PLEKHM3: variants seen among roughly 807,000 people sequenced by gnomAD.
PLEKHM3 encodes the protein pleckstrin homology domain containing M3, also known as pleckstrin homology domain-containing family M member 3.
Under a neutral mutation model 81.8 loss-of-function variants are expected in PLEKHM3, and 45 were observed. The ratio of observed to expected loss-of-function variants is 0.55; its 90% CI spans 0.43 to 0.71. PLEKHM3 has a LOEUF of 0.71. Ranked by LOEUF, PLEKHM3 falls within the 30% of genes least tolerant of loss-of-function variation. The pLI is 0.00. For missense variants in PLEKHM3, 788 were observed against 924.3 expected (o/e 0.85, Z 1.91); for synonymous variants, 352 against 356.4 (o/e 0.99, Z 0.14).
chr2:208,017,692 T>C (rs1194635019), intron 1 of PLEKHM3, among the ~76,000 whole-genome samples: 1 of 152,190 alleles, frequency 6.6e-6, no homozygotes, highest in Non-Finnish European at 1.5e-5. Flanking sequence ...CCATTTCTCA[T>C]TGCCCATTCA....
chr2:207,987,023 A>G (rs1691748073), intron 2 of PLEKHM3, among the ~76,000 whole-genome samples: 1 of 152,120 alleles, frequency 6.6e-6, no homozygotes, highest in South Asian at 2.1e-4. Flanking sequence ...GAAAAGAAGT[A>G]TCACTTCAGA....
At chr2:207,863,744 C>T (rs2092480853) in intron 6 of PLEKHM3, among the ~76,000 whole-genome samples, 1 of 152,012 alleles carries the variant, frequency 6.6e-6, no homozygotes, top group Admixed American at 6.6e-5. Flanking sequence ...GCATGAGGCT[C>T]TTAAAAAAAA....
intron 2 of PLEKHM3, among the ~76,000 whole-genome samples, chr2:207,997,528 C>A (rs1007836513): frequency 6.6e-6 from 1 of 152,138 alleles, no homozygotes; most frequent in African/African-American, 2.4e-5. Flanking sequence ...AGTAATAACA[C>A]CAGCAAGTAA....
At chr2:207,837,484 C>T (rs550028867) in intron 7 of PLEKHM3, among the ~76,000 whole-genome samples, 4 of 152,054 alleles carry the variant, frequency 2.6e-5, no homozygotes, top group South Asian at 2.1e-4. Context: ...CCTGTAGTCC[C>T]GGCTACTTGG....
intron 5 of PLEKHM3, among the ~76,000 whole-genome samples, chr2:207,916,646 G>A (rs971687662): frequency 1.5e-4 from 23 of 152,128 alleles, no homozygotes; most frequent in African/African-American, 5.6e-4. Context: ...TGCTAGGAAT[G>A]CTGAAACAGG....
intron 7 of PLEKHM3, among the ~76,000 whole-genome samples, chr2:207,830,335 C>T (rs1575259897): frequency 1.3e-5 from 2 of 152,042 alleles, no homozygotes; most frequent in South Asian, 2.1e-4. Context: ...TGAGGTAGGC[C>T]GGGCATGGTG....
intron 3 of PLEKHM3, among the ~76,000 whole-genome samples, chr2:207,953,072 T>G (rs905635060): frequency 2.6e-5 from 4 of 152,114 alleles, no homozygotes; most frequent in African/African-American, 9.7e-5. Flanking sequence ...ACAAAGCAAA[T>G]AGTATCCACA....
intron 1 of PLEKHM3, among the ~76,000 whole-genome samples, chr2:208,008,525 A>AC (rs1692581130): frequency 1.4e-5 from 2 of 140,164 alleles, no homozygotes; most frequent in African/African-American, 5.3e-5. Context: ...AAAAAAAAAA[A>AC]CAGACAAAAA....
In PLEKHM3 at chr2:207,860,945, G is replaced by A. The variant is rs567376981; in HGVS notation, c.2108+160C>T. On this transcript the variant is annotated intron_variant, in intron 7 of 7. Coordinates refer to ENST00000427836, the MANE Select transcript of PLEKHM3 (RefSeq NM_001080475.3). ...GAGGTAAGGGGTGGAAATAAATACA[G>A]GAAACCAAAGGGGGAAACATGTTCT... is the stretch of plus-strand genomic sequence containing the variant. Among the ~76,000 whole-genome samples, 17 of 152,236 alleles carry A rather than the reference G, an allele frequency of 1.1e-4. No homozygotes were observed. The South Asian group carries it at 3.5e-3, about 32-fold the overall frequency.
Position 207,864,490 on chromosome 2 carries a change from G to A in PLEKHM3, c.1951-3228C>T, listed in dbSNP as rs193009150. ...AACCAAACTTAATGAGGCATTTAAA[G>A]AGAGGCACTAACAAACTATAGTCCA... On this transcript the variant is annotated intron_variant, in intron 6 of 7. Transcript: ENST00000427836. Among the ~76,000 whole-genome samples the A allele has an allele frequency of 1.9e-3, 292 of 152,300 alleles. 2 individuals are homozygous for A. Among genetic ancestry groups the A allele is most frequent in the African/African-American group, 6.7e-3 (277 of 41,558 alleles).
chr2:207,915,656 C>A (rs1012302929), intron 5 of PLEKHM3, among the ~76,000 whole-genome samples: 1 of 152,186 alleles, frequency 6.6e-6, no homozygotes, highest in Non-Finnish European at 1.5e-5. Context: ...AAAAGACCCA[C>A]AACATACACA....
At chr2:207,939,418 T>C (rs1435236577) in intron 4 of PLEKHM3, among the ~76,000 whole-genome samples, 1 of 151,992 alleles carries the variant, frequency 6.6e-6, no homozygotes, top group Non-Finnish European at 1.5e-5. Flanking sequence ...GACAGGGAAA[T>C]AGACGGATGG....
At chr2:207,963,731 C>T (rs754135039) in intron 3 of PLEKHM3, among the ~76,000 whole-genome samples, 1 of 152,052 alleles carries the variant, frequency 6.6e-6, no homozygotes, top group Non-Finnish European at 1.5e-5. Flanking sequence ...TTTATACTAG[C>T]CACCAGGTAG....
At position 207,865,795 on chromosome 2, in the gene PLEKHM3, AAAAAAAAGAT is replaced by A. The variant is rs1189732553; in HGVS notation, c.1951-4543_1951-4534del. On this transcript the variant is annotated intron_variant, in intron 6 of 7. Coordinates refer to ENST00000427836, the MANE Select transcript of PLEKHM3 (RefSeq NM_001080475.3). ...AAACTCCGACTCAAAAAAAAAAAAA[AAAAAAAAGAT>A]ATATATATATATATATATATATATA... Among the ~76,000 whole-genome samples the A allele has an allele frequency of 1.3e-3, 49 of 37,668 alleles. 9 individuals carry two copies. Among genetic ancestry groups the A allele is most frequent in the African/African-American group, 6.5e-3 (44 of 6,744 alleles). The allele number at this position is 37,668 out of a possible 152,430, so 24.7% of individuals were successfully genotyped here. A position where few individuals can be genotyped will look rare whatever the true frequency, so the allele number is the denominator to read the frequency against.
intron 2 of PLEKHM3, among the ~76,000 whole-genome samples, chr2:207,983,993 CA>C (rs1691631085): frequency 6.6e-6 from 1 of 152,340 alleles, no homozygotes; most frequent in Non-Finnish European, 1.5e-5. Context: ...ACACTCTTCA[CA>C]GGTTTCTGGG....
chr2:207,884,002 TAAA>T (rs1460842352), intron 6 of PLEKHM3, among the ~76,000 whole-genome samples: 1 of 152,080 alleles, frequency 6.6e-6, no homozygotes, highest in Non-Finnish European at 1.5e-5. Flanking sequence ...CCTTCTTTGA[TAAA>T]AACACTCAAC....
chr2:207,889,434 A>AACACACACACAC (rs35082335), intron 6 of PLEKHM3, among the ~76,000 whole-genome samples: 1,597 of 129,182 alleles, frequency 0.012, 36 homozygotes, highest in East Asian at 0.035. Flanking sequence ...GGTTTTTTTC[A>AACACACACACAC]ACACACACAC....
chr2:208,004,982 C>T (rs964864454), intron 1 of PLEKHM3, among the ~76,000 whole-genome samples: 6 of 152,118 alleles, frequency 3.9e-5, no homozygotes, highest in South Asian at 2.1e-4. Flanking sequence ...CCCGCCACCA[C>T]GCCTGGCTAA....
intron 2 of PLEKHM3, among the ~76,000 whole-genome samples, chr2:207,988,024 A>G (rs1335261916): frequency 1.3e-5 from 2 of 152,220 alleles, no homozygotes; most frequent in African/African-American, 4.8e-5. Flanking sequence ...CAGCAAATAC[A>G]AATTCATATT....
Sources: allele counts gnomAD v4.1 joint callset (sites outside exome capture counted in the v4.1 genomes callset), GRCh38; gene constraint gnomAD v4.1.1; transcripts MANE v1.5; gene names NCBI Gene and HGNC (gene_info 2026-07-23, HGNC 2026-07-21).